ODF2L: variants seen among roughly 807,000 people sequenced by gnomAD.
ODF2L encodes the protein protein BCAP.
ODF2L carries 76 observed loss-of-function variants against 86.3 expected under a neutral mutation model. The ratio of observed to expected loss-of-function variants is 0.88; its 90% confidence interval spans 0.73 to 1.07. ODF2L has a LOEUF of 1.07. Ranked by LOEUF, ODF2L falls within the 50% of genes least tolerant of loss-of-function variation. The pLI is 0.00. For synonymous variants in ODF2L, 241 were observed against 231.3 expected, an observed-to-expected ratio of 1.04 and a Z score of -0.38; for missense variants, 748 against 717.4, an observed-to-expected ratio of 1.04 and a Z score of -0.49.
chr1:86,379,762 A>G (rs1021552616), intron 7 of ODF2L, among the ~76,000 whole-genome samples: 9 of 152,250 alleles, frequency 5.9e-5, no homozygotes, highest in African/African-American at 2.2e-4. Flanking sequence ...TATGGAAGTC[A>G]TTATTCCAAG....
chr1:86,395,547 G>T (rs896134722), intron 1 of ODF2L, among the ~76,000 whole-genome samples: 3 of 152,140 alleles, frequency 2.0e-5, no homozygotes, highest in Non-Finnish European at 2.9e-5. Flanking sequence ...CACTACAGGG[G>T]TCGCCTATAG....
chr1:86,393,566 A>T (rs1368162483), intron 1 of ODF2L, among the ~76,000 whole-genome samples: 4 of 152,246 alleles, frequency 2.6e-5, no homozygotes, highest in Non-Finnish European at 5.9e-5. Flanking sequence ...GATGGGCTGC[A>T]GACTGGATAA....
At chr1:86,366,206 C>T (rs954682249) in intron 11 of ODF2L, among the ~76,000 whole-genome samples, 1 of 151,382 alleles carries the variant, frequency 6.6e-6, no homozygotes, top group African/African-American at 2.4e-5. Flanking sequence ...ACCAGACTTT[C>T]GGAAAAAGAG....
Position 86,371,109 on chromosome 1 carries a change from TG to T in ODF2L, c.964del (p.His322MetfsTer23). 1 of 1,551,814 alleles carries T rather than the reference TG, an allele frequency of 6.4e-7. No individual in the cohort carries two copies. Among genetic ancestry groups the T allele is most frequent in the Non-Finnish European group, 8.8e-7 (1 of 1,135,434 alleles). ...AATTTCTTCACATGAATTTTTTCCATGGTCTTCCATTTTCTTCAGATCTTCC... is the reference window on the plus strand; with the variant it reads ...AATTTCTTCACATGAATTTTTTCCATGTCTTCCATTTTCTTCAGATCTTCC... On this transcript the variant is annotated frameshift_variant, in exon 10 of 18. Transcript: ENST00000317336. LOFTEE classifies it high-confidence loss of function.
rs369357155 is a variant in ODF2L, at chr1:86,385,596, T to A, written c.114-6A>T. On this transcript the variant is annotated splice_polypyrimidine_tract_variant and splice_region_variant and intron_variant, in intron 2 of 17. Coordinates refer to ENST00000317336, the Ensembl canonical transcript of ODF2L. ...TTAGAATGTCCTGCTTCAGGCTAAT[T>A]ACAAATGCACATACAAAATTTAAGT... The A allele has an allele frequency of 5.3e-5, 85 of 1,606,510 alleles. No individual in the cohort carries two copies. The highest frequency in any genetic ancestry group is 7.1e-5 in the Non-Finnish European group (83 of 1,175,384).
At chr1:86,369,592 TTACAACTTTG>T (rs1401460720) in intron 10 of ODF2L, among the ~76,000 whole-genome samples, 5 of 152,176 alleles carry the variant, frequency 3.3e-5, no homozygotes, top group African/African-American at 1.2e-4. Context: ...ATGAGAAAAG[TTACAACTTTG>T]TAAACCTACA....
At chr1:86,370,950 G>T in intron 10 of ODF2L, 68 bp downstream of exon 10, 1 of 1,001,822 alleles carries the variant, frequency 1.0e-6, no homozygotes, top group Non-Finnish European at 1.4e-6. Context: ...CTTTCTTCAA[G>T]CTATTTCTAC....
Position 86,352,272 on chromosome 1 carries a change from T to C in ODF2L, c.1894-64A>G. The C allele has an allele frequency of 7.8e-6, 11 of 1,403,192 alleles. 1 individual carries two copies. Among genetic ancestry groups the C allele is most frequent in the Non-Finnish European group, 1.0e-5 (11 of 1,070,258 alleles). 86.9% of individuals were successfully genotyped at this position (1,403,192 alleles called of 1,614,324 possible). A position where few individuals can be genotyped will look rare whatever the true frequency, so the allele number is the denominator to read the frequency against. On this transcript the variant is annotated intron_variant, in intron 17 of 17. Transcript: ENST00000317336. The stretch of plus-strand genomic sequence containing the variant: ...TCTAGTAGACAGTTATTACGTAATT[T>C]AATCATGAGTAATGCTAGCTTTCAG...
intron 8 of ODF2L, among the ~76,000 whole-genome samples, chr1:86,375,157 T>C (rs761914659): frequency 2.0e-5 from 3 of 152,042 alleles, no homozygotes; most frequent in South Asian, 2.1e-4. Flanking sequence ...ATTGAAAAGA[T>C]ACCTGAATGA....
At chr1:86,376,842 C>T (rs1471921607) in intron 7 of ODF2L, among the ~76,000 whole-genome samples, 3 of 152,170 alleles carry the variant, frequency 2.0e-5, no homozygotes, top group Non-Finnish European at 4.4e-5. Flanking sequence ...ATAAGGATTA[C>T]AATTCAAAAT....
At chr1:86,382,208 A>G in intron 7 of ODF2L, 34 bp downstream of exon 7, 1 of 1,536,290 alleles carries the variant, frequency 6.5e-7, no homozygotes, top group Non-Finnish European at 8.7e-7. Context: ...TTTATCACTT[A>G]AGCTATAAAA....
At chr1:86,394,998 G>A (rs1323756023) in intron 1 of ODF2L, among the ~76,000 whole-genome samples, 1 of 151,910 alleles carries the variant, frequency 6.6e-6, no homozygotes, top group Non-Finnish European at 1.5e-5. Flanking sequence ...CCGCCACCAC[G>A]CCCGGATAAC....
intron 5 of ODF2L, 56 bp from the exon 6 acceptor site, chr1:86,383,058 A>G: frequency 7.9e-7 from 1 of 1,260,502 alleles, no homozygotes; most frequent in Non-Finnish European, 1.2e-6. Flanking sequence ...AATATTGGCT[A>G]ACTTTATAAA....
At chr1:86,362,924 C>T (rs1659147449) in intron 11 of ODF2L, among the ~76,000 whole-genome samples, 1 of 152,192 alleles carries the variant, frequency 6.6e-6, no homozygotes, top group Non-Finnish European at 1.5e-5. Flanking sequence ...TCCCAAAGTG[C>T]TGGGATTACA....
chr1:86,382,331 A>G, exon 7 of ODF2L: 1 of 1,611,664 alleles, frequency 6.2e-7, no homozygotes, highest in Non-Finnish European at 8.5e-7. Flanking sequence ...ACTGATTGGG[A>G]AAAACGGTTT....
chr1:86,362,216 C>T (rs182012843), intron 11 of ODF2L, among the ~76,000 whole-genome samples: 6 of 150,982 alleles, frequency 4.0e-5, no homozygotes, highest in South Asian at 2.1e-4. Context: ...TAGGTATTTA[C>T]GAACCAAGAT....
In ODF2L at chr1:86,383,472, A is replaced by C. The variant is rs534082669; in HGVS notation, c.373-276T>G. On this transcript the variant is annotated intron_variant, in intron 4 of 17. Transcript: ENST00000317336. The stretch of plus-strand genomic sequence containing the variant: ...TCACAAAAATCCTCTATACAAAAGA[A>C]GTTTGTATAGAGTTTGTATAGAGTA... 3.7e-4 allele frequency among the ~76,000 whole-genome samples: 56 copies of C among 151,872 alleles called. No individual in the cohort carries two copies. In the South Asian group the frequency reaches 0.011, roughly 31 times the overall value.
chr1:86,354,199 C>T (rs1314454149), intron 16 of ODF2L, among the ~76,000 whole-genome samples: 2 of 152,210 alleles, frequency 1.3e-5, no homozygotes, highest in Non-Finnish European at 2.9e-5. Flanking sequence ...AACTTTACAG[C>T]TCACTGAATC....
chr1:86,386,637 C>G (rs1660972668), intron 2 of ODF2L: 1 of 320,914 alleles, frequency 3.1e-6, no homozygotes, highest in Non-Finnish European at 5.5e-6. Flanking sequence ...ATCCACCTGC[C>G]TCATCCTCCC....
Sources: gnomAD v4.1 joint callset for allele counts (sites outside exome capture counted in the v4.1 genomes callset) on GRCh38, gnomAD v4.1.1 for gene constraint, MANE v1.5 for transcripts, NCBI Gene and HGNC (gene_info 2026-07-23, HGNC 2026-07-21) for gene names.